The following FNDC3B variants were observed in gnomAD, a reference collection of about 807,000 sequenced individuals.
FNDC3B encodes fibronectin type III domain-containing protein 3B.
FNDC3B carries 12 observed loss-of-function variants against 151.5 expected under a neutral mutation model. The observed-to-expected ratio is 0.08, with a 90% confidence interval of 0.05 to 0.13. The LOEUF (loss-of-function observed/expected upper bound fraction) is 0.13, where lower values mean the gene tolerates loss of function less well. Among genes scored for constraint, FNDC3B ranks in the 10% least tolerant of loss-of-function variants. The pLI, the probability that FNDC3B is intolerant of heterozygous loss-of-function variation, is 1.00. For synonymous variants in FNDC3B, 528 were observed against 549.0 expected, an observed-to-expected ratio of 0.96 and a Z score of 0.54; for missense variants, 1,214 against 1,505.3, an observed-to-expected ratio of 0.81 and a Z score of 3.20.
chr3:172,303,891 G>C (rs1731059487), intron 9 of FNDC3B, among the ~76,000 whole-genome samples: 1 of 152,210 alleles, frequency 6.6e-6, no homozygotes, highest in Non-Finnish European at 1.5e-5. Flanking sequence ...GGATACTTAA[G>C]TGTGGTGCCA....
intron 1 of FNDC3B, among the ~76,000 whole-genome samples, chr3:172,049,446 G>A (rs886584474): frequency 1.3e-5 from 2 of 152,324 alleles, no homozygotes; most frequent in Non-Finnish European, 1.5e-5. Context: ...AATCTATCCT[G>A]AATAGCACAG....
chr3:172,234,043 C>A (rs1727018029), intron 4 of FNDC3B, among the ~76,000 whole-genome samples: 1 of 152,134 alleles, frequency 6.6e-6, no homozygotes, highest in African/African-American at 2.4e-5. Context: ...CAAGGACATC[C>A]CCTCCCCTCA....
intron 6 of FNDC3B, among the ~76,000 whole-genome samples, chr3:172,257,579 C>T (rs1183617952): frequency 7.2e-6 from 1 of 138,706 alleles, no homozygotes; most frequent in South Asian, 2.2e-4. Context: ...TACACACACA[C>T]ACACACACAC....
intron 6 of FNDC3B, among the ~76,000 whole-genome samples, chr3:172,281,317 C>A (rs1729712046): frequency 6.6e-6 from 1 of 151,784 alleles, no homozygotes; most frequent in Admixed American, 6.6e-5. Context: ...ACGATCTCAG[C>A]TCACTGCAAC....
At chr3:172,061,741 T>A (rs1386994121) in intron 1 of FNDC3B, among the ~76,000 whole-genome samples, 1 of 152,232 alleles carries the variant, frequency 6.6e-6, no homozygotes, top group Admixed American at 6.5e-5. Flanking sequence ...CAGTGAGACA[T>A]GGCCAGATTG....
intron 1 of FNDC3B, among the ~76,000 whole-genome samples, chr3:172,087,130 A>C (rs1718587861): frequency 6.6e-6 from 1 of 152,226 alleles, no homozygotes. Flanking sequence ...ATTTTGAGTC[A>C]TCTTTCTTTT....
intron 12 of FNDC3B, chr3:172,330,277 C>G: frequency 3.0e-6 from 1 of 337,902 alleles, no homozygotes; most frequent in East Asian, 5.2e-5. Context: ...CACGTGGACT[C>G]AAGATGCAGA....
chr3:172,358,487 G>A (rs1734204042), intron 22 of FNDC3B, among the ~76,000 whole-genome samples: 1 of 152,214 alleles, frequency 6.6e-6, no homozygotes, highest in South Asian at 2.1e-4. Context: ...CTAGAAAGAA[G>A]CCCATCCTTT....
chr3:172,381,179 T>C, intron 25 of FNDC3B, 86 bp downstream of exon 25: 1 of 1,460,336 alleles, frequency 6.8e-7, no homozygotes, highest in South Asian at 1.2e-5. Flanking sequence ...CTCAGTGAAC[T>C]ATGTTTTTCT....
chr3:172,152,712 ACTT>A (rs1307723577), intron 3 of FNDC3B, among the ~76,000 whole-genome samples: 9 of 151,398 alleles, frequency 5.9e-5, no homozygotes, highest in African/African-American at 1.9e-4. Flanking sequence ...AAAAAATCAC[ACTT>A]CTTCTTTTCA....
intron 6 of FNDC3B, among the ~76,000 whole-genome samples, chr3:172,269,890 G>A (rs535935095): frequency 3.9e-5 from 6 of 151,990 alleles, no homozygotes; most frequent in South Asian, 2.1e-4. Flanking sequence ...CTCGTGATCC[G>A]CCCACCTCAG....
intron 6 of FNDC3B, among the ~76,000 whole-genome samples, chr3:172,256,611 T>C (rs1475421658): frequency 6.6e-6 from 1 of 152,224 alleles, no homozygotes; most frequent in Non-Finnish European, 1.5e-5. Context: ...CATTTTATTC[T>C]TGATAAAAAA....
At chr3:172,344,377 C>G in intron 19 of FNDC3B, 119 bp downstream of exon 19, 1 of 768,900 alleles carries the variant, frequency 1.3e-6, no homozygotes. Flanking sequence ...ACCTTGACAA[C>G]CATTAATGCA....
At chr3:172,163,398 T>C (rs1189532873) in intron 3 of FNDC3B, among the ~76,000 whole-genome samples, 1 of 152,220 alleles carries the variant, frequency 6.6e-6, no homozygotes, top group African/African-American at 2.4e-5. Flanking sequence ...GTTAGCATTG[T>C]AAACATTAAT....
In FNDC3B at chr3:172,040,305, G is replaced by C. The variant is rs1026635399; in HGVS notation, c.-29+534G>C. 6.6e-6 allele frequency among the ~76,000 whole-genome samples: 1 copy of C among 151,990 alleles called. No individual in the cohort carries two copies. Among genetic ancestry groups the C allele is most frequent in the Non-Finnish European group, 1.5e-5 (1 of 67,980 alleles). On this transcript the variant is annotated intron_variant, in intron 1 of 25. Transcript: ENST00000415807. This position sits in a 1 kb window ranked among gnomAD's most constrained non-coding sequence, Gnocchi z 6.6. ...GGAGTGCGAAGTGGGGCTGGAAGTT[G>C]GGGCCGCCTCTCCGCGCCGGCGGGG...
chr3:172,144,000 G>A (rs1349842244), intron 3 of FNDC3B, among the ~76,000 whole-genome samples: 1 of 152,112 alleles, frequency 6.6e-6, no homozygotes, highest in African/African-American at 2.4e-5. Context: ...TTGATGTAAA[G>A]AAATACTTGA....
In FNDC3B at chr3:172,362,865, G is replaced by A. The variant is rs1179990703; in HGVS notation, c.3008+20G>A. 6.4e-7 allele frequency: 1 copy of A among 1,573,362 alleles called. No individual in the cohort carries two copies. Among genetic ancestry groups the A allele is most frequent in the Non-Finnish European group, 8.7e-7 (1 of 1,147,174 alleles). ...CAAGAGGTGAGGTGGGGGTGAGGAT[G>A]CTCCTGAAGCTTCTGTAGCTTTGGC... On this transcript the variant is annotated intron_variant, in intron 23 of 25. Coordinates refer to ENST00000415807, the MANE Select transcript of FNDC3B (RefSeq NM_022763.4).
rs532341440 is a variant in FNDC3B at position 172,358,588 on chromosome 3, C to T, written c.2796-4045C>T. On this transcript the variant is annotated intron_variant, in intron 22 of 25. Coordinates refer to ENST00000415807, the MANE Select transcript of FNDC3B (RefSeq NM_022763.4). ...AAGTGAGGTGGTGTAATAGTGCAGCCGCAGTGAAGACCTGTCCCTGTGCCA... is the reference window on the plus strand; with the variant it reads ...AAGTGAGGTGGTGTAATAGTGCAGCTGCAGTGAAGACCTGTCCCTGTGCCA... 6.6e-5 allele frequency among the ~76,000 whole-genome samples: 10 copies of T among 152,310 alleles called. No homozygotes were observed. The East Asian group carries it at 7.7e-4, about 12-fold the overall frequency.
intron 1 of FNDC3B, among the ~76,000 whole-genome samples, chr3:172,045,229 A>T (rs1383695743): frequency 6.6e-6 from 1 of 152,212 alleles, no homozygotes; most frequent in Non-Finnish European, 1.5e-5. Flanking sequence ...TGTGATCAGT[A>T]AACAAGGTCC....
Sources: gnomAD v4.1 joint callset for allele counts (sites outside exome capture counted in the v4.1 genomes callset) on GRCh38, gnomAD v4.1.1 for gene constraint, Gnocchi (gnomAD v3.1) non-coding constraint, MANE v1.5 for transcripts, NCBI Gene and HGNC (gene_info 2026-07-23, HGNC 2026-07-21) for gene names.